The following TRDN variants were observed in gnomAD, a reference collection of about 807,000 sequenced individuals.
TRDN encodes triadin, also known as triadin in skeletal muscle.
In TRDN, 161 loss-of-function variants were observed where a neutral mutation model predicts 149.7. The observed-to-expected ratio is 1.08, with a 90% CI of 0.95 to 1.23. The LOEUF is 1.23. Ranked by LOEUF, TRDN falls within the 50% of genes most tolerant of loss-of-function variation. TRDN has a pLI of 0.00. For synonymous variants in TRDN, 294 were observed against 250.5 expected (o/e 1.17, Z -1.64); for missense variants, 896 against 823.5 (o/e 1.09, Z -1.08).
At chr6:123,631,297 A>AT (rs1320432474) in intron 1 of TRDN, among the ~76,000 whole-genome samples, 1 of 151,940 alleles carries the variant, frequency 6.6e-6, no homozygotes, top group African/African-American at 2.4e-5. Flanking sequence ...CAATGTTCCA[A>AT]GCCATAGCAC....
chr6:123,225,343 GTTTA>G (rs1485350829), intron 38 of TRDN, among the ~76,000 whole-genome samples: 2 of 151,460 alleles, frequency 1.3e-5, no homozygotes, highest in Non-Finnish European at 3.0e-5. Flanking sequence ...AAATTTGTTT[GTTTA>G]TTTATTTATT....
chr6:123,450,085 A>G (rs1257880382), intron 10 of TRDN, among the ~76,000 whole-genome samples: 2 of 152,222 alleles, frequency 1.3e-5, no homozygotes, highest in African/African-American at 4.8e-5. Flanking sequence ...ATCTTGAAAC[A>G]AATCCTGGAA....
At chr6:123,625,410 T>C (rs1323133417) in intron 1 of TRDN, among the ~76,000 whole-genome samples, 1 of 152,172 alleles carries the variant, frequency 6.6e-6, no homozygotes, top group Non-Finnish European at 1.5e-5. Context: ...TTCTAGTCTA[T>C]TAAATGTGCA....
intron 1 of TRDN, 101 bp downstream of exon 1, chr6:123,636,653 C>T: frequency 7.0e-7 from 1 of 1,431,066 alleles, no homozygotes; most frequent in Non-Finnish European, 9.7e-7. Context: ...AGGCAATTAC[C>T]TTAAAGCAAC....
At chr6:123,255,954 T>G (rs1776541895) in intron 35 of TRDN, 52 bp from the exon 36 acceptor site, 3 of 1,071,846 alleles carry the variant, frequency 2.8e-6, no homozygotes, top group African/African-American at 1.6e-5. Flanking sequence ...TTATTTTTAA[T>G]TATACTTTAA....
At chr6:123,306,826 T>G (rs1387062107) in intron 24 of TRDN, among the ~76,000 whole-genome samples, 1 of 152,044 alleles carries the variant, frequency 6.6e-6, no homozygotes, top group African/African-American at 2.4e-5. Flanking sequence ...ATTTAGAAAA[T>G]TGTCTTTATA....
intron 4 of TRDN, among the ~76,000 whole-genome samples, chr6:123,545,117 TA>T (rs939724995): frequency 6.6e-6 from 1 of 151,898 alleles, no homozygotes; most frequent in African/African-American, 2.4e-5. Flanking sequence ...ATTTAGGCAA[TA>T]AAAAATGACT....
chr6:123,471,341 C>T (rs1777138062), intron 9 of TRDN: 2 of 152,162 alleles, frequency 1.3e-5, no homozygotes, highest in South Asian at 2.1e-4. Flanking sequence ...GTCTTTATTG[C>T]CTCTTGCATT....
intron 2 of TRDN, among the ~76,000 whole-genome samples, chr6:123,551,016 A>G (rs1781354311): frequency 6.6e-6 from 1 of 151,754 alleles, no homozygotes; most frequent in Non-Finnish European, 1.5e-5. Flanking sequence ...AGGCATTTTT[A>G]GCAGTGGTAT....
At chr6:123,223,405 T>C (rs558062412) in intron 39 of TRDN, among the ~76,000 whole-genome samples, 8 of 151,846 alleles carry the variant, frequency 5.3e-5, no homozygotes, top group East Asian at 1.9e-4. Context: ...TTTACCTATA[T>C]AACAAACATA....
intron 1 of TRDN, among the ~76,000 whole-genome samples, chr6:123,629,129 C>A (rs1246537706): frequency 6.6e-6 from 1 of 152,080 alleles, no homozygotes. Flanking sequence ...AGAAGTGCCA[C>A]TTCATATCTC....
At chr6:123,511,025 T>G (rs966145290) in intron 7 of TRDN, among the ~76,000 whole-genome samples, 2 of 152,202 alleles carry the variant, frequency 1.3e-5, no homozygotes, top group African/African-American at 4.8e-5. Flanking sequence ...TTACCTATGC[T>G]TTTGAGGTCT....
chr6:123,402,543 G>A (rs968898218), intron 12 of TRDN, among the ~76,000 whole-genome samples: 1 of 152,086 alleles, frequency 6.6e-6, no homozygotes, highest in African/African-American at 2.4e-5. Flanking sequence ...GTAAATTATG[G>A]TCAAAATAAT....
chr6:123,307,917 T>C (rs1010228358), intron 24 of TRDN, among the ~76,000 whole-genome samples: 5 of 152,092 alleles, frequency 3.3e-5, no homozygotes, highest in African/African-American at 9.7e-5. Flanking sequence ...CCTGGGTATA[T>C]CGTGTGATAC....
At chr6:123,409,952 G>C (rs12206224) in intron 12 of TRDN, among the ~76,000 whole-genome samples, 60,258 of 151,992 alleles carry the variant, frequency 0.4, 12,360 homozygotes, top group Middle Eastern at 0.48. Context: ...GTAAGAGAGA[G>C]TGGGTTGACT....
rs182529005 is a variant in TRDN, at chr6:123,405,567, C to T, written c.1052-11890G>A. Among the ~76,000 whole-genome samples the T allele has an allele frequency of 7.2e-5, 11 of 152,278 alleles. No homozygotes were observed. In the East Asian group the frequency reaches 2.1e-3, roughly 29 times the overall value. Reference sequence around the variant, plus strand: ...AGACTTTAGCATCAACAAGAAATCTCAGAGGCAAACACAATTGGTTTCTGT... The same window carrying T: ...AGACTTTAGCATCAACAAGAAATCTTAGAGGCAAACACAATTGGTTTCTGT... On this transcript the variant is annotated intron_variant, in intron 12 of 40. Coordinates refer to ENST00000334268, the MANE Select transcript of TRDN (RefSeq NM_006073.4).
intron 1 of TRDN, among the ~76,000 whole-genome samples, chr6:123,607,897 C>T (rs1429010467): frequency 7.3e-5 from 11 of 150,006 alleles, no homozygotes; most frequent in African/African-American, 2.2e-4. Context: ...TTATGTTGCC[C>T]AGCCTGGTCT....
At chr6:123,594,785 T>C (rs1783955530) in intron 1 of TRDN, among the ~76,000 whole-genome samples, 2 of 152,016 alleles carry the variant, frequency 1.3e-5, no homozygotes, top group Non-Finnish European at 1.5e-5. Context: ...TTTAGTATTA[T>C]TTAGGTAGCA....
chr6:123,382,078 C>A, intron 15 of TRDN, 40 bp downstream of exon 15: 1 of 1,428,108 alleles, frequency 7.0e-7, no homozygotes, highest in South Asian at 1.5e-5. Context: ...TTTCATGGTT[C>A]ATCAAACATA....
Sources: gnomAD v4.1 joint callset for allele counts (sites outside exome capture counted in the v4.1 genomes callset) on GRCh38, gnomAD v4.1.1 for gene constraint, MANE v1.5 for transcripts, NCBI Gene and HGNC (gene_info 2026-07-23, HGNC 2026-07-21) for gene names.